The following FPR2 variants were observed in gnomAD, a reference collection of about 807,000 sequenced individuals.
FPR2 encodes the protein N-formyl peptide receptor 2.
FPR2 carries 3 observed loss-of-function variants against 4.0 expected under a neutral mutation model. The ratio of observed to expected loss-of-function variants is 0.74; its 90% CI spans 0.34 to 1.92. FPR2 has a LOEUF of 1.92. Among genes scored for constraint, FPR2 ranks in the 30% most tolerant of loss-of-function variants. The probability of loss-of-function intolerance (pLI) is 0.07; values close to 1 mark genes in which losing one functional copy is unlikely to be tolerated. For missense variants in FPR2, 372 were observed against 435.7 expected, an observed-to-expected ratio of 0.85 and a Z score of 1.30; for synonymous variants, 179 against 171.5, an observed-to-expected ratio of 1.04 and a Z score of -0.34.
chr19:51,762,861 A>G (rs907734004), intron 1 of FPR2: 1 of 152,240 alleles, frequency 6.6e-6, no homozygotes, highest in African/African-American at 2.4e-5. Flanking sequence ...CTGTGCATTC[A>G]GCAGATTCTG....
At chr19:51,765,376 TG>T (rs1327373868) in intron 1 of FPR2, among the ~76,000 whole-genome samples, 1 of 152,210 alleles carries the variant, frequency 6.6e-6, no homozygotes, top group Non-Finnish European at 1.5e-5. Flanking sequence ...ATCTGTACAA[TG>T]GTTATACTAA....
chr19:51,761,310 T>G (rs1308791522), intron 1 of FPR2, 80 bp downstream of exon 1: 1 of 152,268 alleles, frequency 6.6e-6, no homozygotes, highest in East Asian at 1.9e-4. Context: ...TCTAGAGCAG[T>G]GCTGTAATGG....
At chr19:51,768,470 A>G (rs1161619661) in intron 1 of FPR2, 175 bp from the exon 2 acceptor site, 5 of 598,562 alleles carry the variant, frequency 8.4e-6, no homozygotes, top group Non-Finnish European at 1.5e-5. Context: ...ATCCCTTCCC[A>G]AAGGAGCATC....
Position 51,769,554 on chromosome 19 carries a change from C to G in FPR2, c.896C>G (p.Pro299Arg), listed in dbSNP as rs748973060. The change falls in exon 2 of 2, where the codon CCC (proline) becomes CGC (arginine). Residue 299 changes from proline (P) to arginine (R), a missense_variant. Coordinates refer to ENST00000340023, the MANE Select transcript of FPR2 (RefSeq NM_001005738.2). This position sits in a 1 kb window ranked among gnomAD's most constrained non-coding sequence, Gnocchi z 4.4. The stretch of plus-strand genomic sequence containing the variant: ...GCCTTCTTCAACAGCTGCCTCAACC[C>G]CATGCTTTACGTCTTTGTGGGCCAA... ...SLAFFNSCLN[P>R]MLYVFVGQDF... is the part of the protein sequence containing the mutation. 5 of 1,614,054 alleles carry G rather than the reference C, an allele frequency of 3.1e-6. No homozygotes were observed. In the Admixed American group the frequency reaches 6.7e-5, roughly 22 times the overall value.
chr19:51,766,503 T>G (rs2083869216), intron 1 of FPR2, among the ~76,000 whole-genome samples: 1 of 152,150 alleles, frequency 6.6e-6, no homozygotes, highest in African/African-American at 2.4e-5. Context: ...TGAAACTCAC[T>G]GGTAATAGCA....
chr19:51,768,949 G>A lies in FPR2; in HGVS notation c.291G>A (p.Leu97=). 3 of 1,614,174 alleles carry A rather than the reference G, an allele frequency of 1.9e-6. No homozygotes were observed. The highest frequency in any genetic ancestry group is 2.2e-5 in the South Asian group (2 of 91,088). ...MGEKWPFGWF[L]CKLIHIVVDI... is the part of the protein sequence containing the mutation. ...AAAAATGGCCTTTTGGCTGGTTCCTGTGTAAGTTAATTCACATCGTGGTGG... is the reference window on the plus strand; with the variant it reads ...AAAAATGGCCTTTTGGCTGGTTCCTATGTAAGTTAATTCACATCGTGGTGG... Residue 97 remains leucine (L), a synonymous_variant, in exon 2 of 2, where the codon CTG becomes CTA. Transcript: ENST00000340023.
In FPR2 at chr19:51,768,640, T is replaced by G; in HGVS notation, c.-14-5T>G. ...TGAGAAATGGCCATTGTTGGAATGTTTCAGGTGCTGCTGGCAAGATGGAAA... is the reference window on the plus strand; with the variant it reads ...TGAGAAATGGCCATTGTTGGAATGTGTCAGGTGCTGCTGGCAAGATGGAAA... On this transcript the variant is annotated splice_region_variant and splice_polypyrimidine_tract_variant and intron_variant, in intron 1 of 1. Transcript: ENST00000340023. 6.3e-7 allele frequency: 1 copy of G among 1,580,274 alleles called. No homozygotes were observed.
Position 51,770,524 on chromosome 19 carries a change from G to A in FPR2, c.*810G>A, listed in dbSNP as rs1466543708. ...TAAATATTCAGAAAAATTCACCAGT[G>A]AAGCCAACTTGGTCTTGTGTTTTCT... On this transcript the variant is annotated 3_prime_UTR_variant, in exon 2 of 2. Transcript: ENST00000340023. The A allele has an allele frequency of 1.2e-5, 2 of 167,074 alleles. No homozygotes were observed. Among genetic ancestry groups the A allele is most frequent in the East Asian group, 3.8e-4 (2 of 5,202 alleles). 10.3% of individuals were successfully genotyped at this position (167,074 alleles called of 1,614,324 possible).
At chr19:51,768,416 G>T in intron 1 of FPR2, 1 of 489,680 alleles carries the variant, frequency 2.0e-6, no homozygotes, top group Non-Finnish European at 3.7e-6. Context: ...TGATCAGCCC[G>T]ATAAGCGAAA....
intron 1 of FPR2, among the ~76,000 whole-genome samples, chr19:51,766,354 A>G (rs1333544519): frequency 1.4e-5 from 2 of 138,718 alleles, no homozygotes; most frequent in Non-Finnish European, 3.1e-5. Context: ...CTGTGGATAG[A>G]GGCCAGGGGG....
Position 51,769,296 on chromosome 19 carries a change from C to T in FPR2, c.638C>T (p.Pro213Leu), listed in dbSNP as rs141356657. Residue 213 changes from proline (P) to leucine (L), a missense_variant, in exon 2 of 2, where the codon CCG becomes CTG. Transcript: ENST00000340023. The surrounding 1 kb of genome is among the most constrained non-coding windows in gnomAD (Gnocchi z 4.4). ...CGGTTTGTCATTGGCTTTAGCTTGCCGATGTCCATTGTTGCCATCTGCTAT... is the reference window on the plus strand; with the variant it reads ...CGGTTTGTCATTGGCTTTAGCTTGCTGATGTCCATTGTTGCCATCTGCTAT... ...IIRFVIGFSL[P>L]MSIVAICYGL... 36 of 1,614,168 alleles carry T rather than the reference C, an allele frequency of 2.2e-5. No homozygotes were observed. In the African/African-American group the frequency reaches 3.7e-4, roughly 17 times the overall value.
intron 1 of FPR2, among the ~76,000 whole-genome samples, chr19:51,767,131 T>C (rs954955724): frequency 1.3e-5 from 2 of 152,220 alleles, no homozygotes; most frequent in Non-Finnish European, 2.9e-5. Context: ...TGTGTCCATG[T>C]GTTCTCATCA....
At chr19:51,765,685 C>T (rs2083864173) in intron 1 of FPR2, among the ~76,000 whole-genome samples, 1 of 152,204 alleles carries the variant, frequency 6.6e-6, no homozygotes, top group Non-Finnish European at 1.5e-5. Flanking sequence ...CCCCACGACA[C>T]AGCACACAGC....
In FPR2 at chr19:51,769,094, A is replaced by G; in HGVS notation, c.436A>G (p.Ile146Val). The change falls in exon 2 of 2, where the codon ATC (isoleucine) becomes GTC (valine). Residue 146 changes from isoleucine (I) to valine (V), a missense_variant. Transcript: ENST00000340023. This position sits in a 1 kb window ranked among gnomAD's most constrained non-coding sequence, Gnocchi z 4.4. ...HRTVSLAMKVIVGPWILALVL... is the reference protein window; with the variant it reads ...HRTVSLAMKVVVGPWILALVL... ...CACTGTGAGTCTGGCCATGAAGGTG[A>G]TCGTCGGACCTTGGATTCTTGCTCT... is the stretch of plus-strand genomic sequence containing the variant. The G allele has an allele frequency of 6.2e-7, 1 of 1,614,146 alleles. No homozygotes were observed.
In FPR2 at chr19:51,768,938, G is replaced by A; in HGVS notation, c.280G>A (p.Gly94Ser). Residue 94 changes from glycine (G) to serine (S), a missense_variant, in exon 2 of 2, where the codon GGC becomes AGC. Physicochemically the swap from Gly to Ser is moderately conservative, Grantham distance 56. Coordinates refer to ENST00000340023, the MANE Select transcript of FPR2 (RefSeq NM_001005738.2). ...SMAMGEKWPF[G>S]WFLCKLIHIV... ...GGCCATGGGAGAAAAATGGCCTTTT[G>A]GCTGGTTCCTGTGTAAGTTAATTCA... is the stretch of plus-strand genomic sequence containing the variant. The A allele has an allele frequency of 6.2e-7, 1 of 1,614,116 alleles. No individual in the cohort carries two copies. Among genetic ancestry groups the A allele is most frequent in the Non-Finnish European group, 8.5e-7 (1 of 1,180,026 alleles).
At chr19:51,767,915 T>C (rs534134048) in intron 1 of FPR2, among the ~76,000 whole-genome samples, 2 of 152,220 alleles carry the variant, frequency 1.3e-5, no homozygotes, top group South Asian at 4.1e-4. Context: ...ATAGTCTTTA[T>C]CCCACAGACA....
At chr19:51,762,819 G>T (rs4801893) in intron 1 of FPR2, 38,712 of 152,176 alleles carry the variant, frequency 0.25, 6,117 homozygotes, top group East Asian at 0.5. Flanking sequence ...CAGGACCATG[G>T]ACACAGGTTG....
intron 1 of FPR2, chr19:51,763,518 G>A (rs2083852235): frequency 6.6e-6 from 1 of 152,186 alleles, no homozygotes; most frequent in South Asian, 2.1e-4. Flanking sequence ...AATGCACCAG[G>A]TCAGTGCTAA....
In FPR2 at chr19:51,769,695, C is replaced by T; in HGVS notation, c.1037C>T (p.Thr346Ile). 3 of 1,613,958 alleles carry T rather than the reference C, an allele frequency of 1.9e-6. No homozygotes were observed. Among genetic ancestry groups the T allele is most frequent in the Non-Finnish European group, 2.5e-6 (3 of 1,179,862 alleles). Residue 346 changes from threonine to isoleucine, a missense_variant, in exon 2 of 2, where the codon ACT (threonine) becomes ATT (isoleucine). Transcript: ENST00000340023. The surrounding 1 kb of genome is among the most constrained non-coding windows in gnomAD (Gnocchi z 4.4). ...AATTCTGCTTCACCTCCTGCAGAGA[C>T]TGAGTTACAGGCAATGTGAGGATGG... The part of the protein sequence containing the change: ...AANSASPPAE[T>I]ELQAM
Sources: allele counts gnomAD v4.1 joint callset (sites outside exome capture counted in the v4.1 genomes callset), GRCh38; gene constraint gnomAD v4.1.1; non-coding constraint Gnocchi (gnomAD v3.1); transcripts MANE v1.5; gene names NCBI Gene and HGNC (gene_info 2026-07-23, HGNC 2026-07-21).